PUDP: variants seen among roughly 807,000 people sequenced by gnomAD.
PUDP encodes the protein pseudouridine 5'-phosphatase, also known as pseudouridine-5'-phosphatase.
PUDP carries 8 observed loss-of-function variants against 9.4 expected under a neutral mutation model. The observed-to-expected ratio is 0.85, with a 90% CI of 0.50 to 1.53. PUDP has a LOEUF of 1.53. Among genes scored for constraint, PUDP ranks in the 40% most tolerant of loss-of-function variants. The probability of loss-of-function intolerance (pLI) is 0.00; values close to 1 mark genes in which losing one functional copy is unlikely to be tolerated. For synonymous variants in PUDP, 99 were observed against 80.7 expected (o/e 1.23, Z -1.22); for missense variants, 188 against 189.7 (o/e 0.99, Z 0.05).
chrX:6,846,277 C>G (rs950466045), intron 3 of PUDP, among the ~76,000 whole-genome samples: 7 of 109,841 alleles, frequency 6.4e-5, no homozygotes, highest in Non-Finnish European at 9.5e-5. Flanking sequence ...TGGTGGCGAG[C>G]GCCTATAGTC....
chrX:7,081,087 C>T (rs1931070547), intron 2 of PUDP, among the ~76,000 whole-genome samples: 1 of 111,963 alleles, frequency 8.9e-6, no homozygotes. Context: ...ACACATGGCT[C>T]TGTAAAACAC....
chrX:7,125,840 G>A (rs1932471522), intron 1 of PUDP, among the ~76,000 whole-genome samples: 1 of 110,413 alleles, frequency 9.1e-6, no homozygotes, highest in African/African-American at 3.3e-5. Context: ...CACGAGAACA[G>A]CACGGGAAAG....
intron 3 of PUDP, among the ~76,000 whole-genome samples, chrX:6,816,270 T>A (rs907562372): frequency 9.5e-6 from 1 of 105,591 alleles, no homozygotes; most frequent in Non-Finnish European, 1.9e-5. Context: ...ATTACATGTA[T>A]AGTATATATG....
At chrX:6,991,489 G>C (rs1929176031) in intron 1 of PUDP, among the ~76,000 whole-genome samples, 1 of 110,108 alleles carries the variant, frequency 9.1e-6, no homozygotes, top group South Asian at 4.0e-4. Flanking sequence ...ACCAGCCTGG[G>C]CAACAGAGTG....
chrX:7,034,832 C>A (rs1314974855), intron 1 of PUDP, among the ~76,000 whole-genome samples: 1 of 108,583 alleles, frequency 9.2e-6, no homozygotes, highest in African/African-American at 3.4e-5. Flanking sequence ...AATGGTCTGA[C>A]AATCTGCTGC....
chrX:7,008,196 C>T (rs1450547754), intron 1 of PUDP, among the ~76,000 whole-genome samples: 1 of 110,677 alleles, frequency 9.0e-6, no homozygotes, highest in Admixed American at 9.6e-5. Context: ...AATCTCCTGA[C>T]CTCGTGATCC....
At chrX:7,090,795 C>T (rs1378922843) in intron 2 of PUDP, among the ~76,000 whole-genome samples, 1 of 111,122 alleles carries the variant, frequency 9.0e-6, no homozygotes, top group Admixed American at 9.6e-5. Flanking sequence ...TGGAGGCTAC[C>T]ATGTAAGCGA....
chrX:7,081,374 G>C (rs1380552469), intron 2 of PUDP, among the ~76,000 whole-genome samples: 2 of 111,882 alleles, frequency 1.8e-5, no homozygotes, highest in Non-Finnish European at 3.8e-5. Flanking sequence ...AGCTAGTCTT[G>C]AAGTTCTGCT....
chrX:6,893,251 C>T (rs1048692005), intron 3 of PUDP, among the ~76,000 whole-genome samples: 5 of 111,678 alleles, frequency 4.5e-5, no homozygotes, highest in South Asian at 7.5e-4. Context: ...ATGCCAAGGA[C>T]GTGACCTTGA....
intron 3 of PUDP, among the ~76,000 whole-genome samples, chrX:6,946,912 G>T (rs1394325545): frequency 9.0e-6 from 1 of 110,687 alleles, no homozygotes; most frequent in Non-Finnish European, 1.9e-5. Flanking sequence ...AGTAAACATG[G>T]ATTAATTTGA....
intron 3 of PUDP, among the ~76,000 whole-genome samples, chrX:6,914,211 T>C (rs1927893789): frequency 9.4e-6 from 1 of 106,002 alleles, no homozygotes; most frequent in Non-Finnish European, 1.9e-5. Flanking sequence ...GACACAGTTA[T>C]ATAGAGAAGA....
At chrX:6,977,157 A>G (rs757957087) in exon 3 of PUDP, among the ~76,000 whole-genome samples, 1 of 112,152 alleles carries the variant, frequency 8.9e-6, no homozygotes, top group South Asian at 3.7e-4. Context: ...TCTCTTCTGC[A>G]AATCCATGCT....
intron 1 of PUDP, among the ~76,000 whole-genome samples, chrX:7,138,248 G>T (rs1932768441): frequency 9.0e-6 from 1 of 111,720 alleles, no homozygotes; most frequent in African/African-American, 3.3e-5. Flanking sequence ...AGTCATAGGG[G>T]GAAAACCCAG....
intron 3 of PUDP, among the ~76,000 whole-genome samples, chrX:6,950,406 C>CTTTTTT (rs768745445): frequency 3.5e-4 from 24 of 68,635 alleles, no homozygotes; most frequent in African/African-American, 8.0e-4. Context: ...TTAGTCATTT[C>CTTTTTT]TTTTTTTTTT....
chrX:6,812,224 A>C (rs1238993649), intron 3 of PUDP, among the ~76,000 whole-genome samples: 1 of 112,120 alleles, frequency 8.9e-6, no homozygotes, highest in African/African-American at 3.2e-5. Flanking sequence ...AAGCACAAGG[A>C]GGGTGAGATG....
At chrX:6,706,055 C>A (rs762082365) in intron 2 of PUDP, among the ~76,000 whole-genome samples, 1 of 112,232 alleles carries the variant, frequency 8.9e-6, no homozygotes, top group East Asian at 2.8e-4. Context: ...AAGCATCATG[C>A]CAAGTTAAAC....
At chrX:6,945,003 C>A (rs926967979) in intron 3 of PUDP, among the ~76,000 whole-genome samples, 1 of 111,801 alleles carries the variant, frequency 8.9e-6, no homozygotes, top group Non-Finnish European at 1.9e-5. Context: ...TAGGTAAAAC[C>A]GACGTATGGC....
intron 3 of PUDP, among the ~76,000 whole-genome samples, chrX:6,834,383 C>T (rs1339820083): frequency 9.0e-6 from 1 of 111,597 alleles, no homozygotes; most frequent in Non-Finnish European, 1.9e-5. Flanking sequence ...CCCTGAGGAC[C>T]TGGTTCCTAA....
intron 1 of PUDP, among the ~76,000 whole-genome samples, chrX:6,980,031 C>T (rs190909198): frequency 4.5e-4 from 50 of 110,137 alleles, no homozygotes; most frequent in African/African-American, 1.4e-3. Flanking sequence ...GCATAGTACC[C>T]GATAGGTAGT....
Sources: gnomAD v4.1 joint callset for allele counts (sites outside exome capture counted in the v4.1 genomes callset) on GRCh38, gnomAD v4.1.1 for gene constraint, MANE v1.5 for transcripts, NCBI Gene and HGNC (gene_info 2026-07-23, HGNC 2026-07-21) for gene names.